ITPR1: variants seen among roughly 807,000 people sequenced by gnomAD.
ITPR1 encodes the protein inositol 1,4,5-trisphosphate-gated calcium channel ITPR1.
A neutral mutation model predicts 318.4 loss-of-function variants in ITPR1; 96 were observed. The ratio of observed to expected loss-of-function variants is 0.30; its 90% CI spans 0.26 to 0.36. ITPR1 has a LOEUF of 0.36. ITPR1 is among the 10% of genes least tolerant of loss of function. ITPR1 has a pLI of 1.00. For missense variants in ITPR1, 2,440 were observed against 3,460.2 expected (o/e 0.71, Z 7.40); for synonymous variants, 1,312 against 1,289.9 (o/e 1.02, Z -0.37).
At chr3:4,719,061 G>T (rs1000593097) in intron 40 of ITPR1, among the ~76,000 whole-genome samples, 3 of 152,200 alleles carry the variant, frequency 2.0e-5, no homozygotes, top group Non-Finnish European at 4.4e-5. Context: ...GTAATCAGTT[G>T]ATGTGTTTGC....
intron 34 of ITPR1, among the ~76,000 whole-genome samples, chr3:4,699,021 CA>C (rs1398568653): frequency 2.6e-5 from 4 of 152,004 alleles, no homozygotes; most frequent in African/African-American, 9.7e-5. Flanking sequence ...GTGTATTGGT[CA>C]GATTTTAATT....
intron 60 of ITPR1, among the ~76,000 whole-genome samples, chr3:4,820,478 C>G (rs966571479): frequency 6.6e-6 from 1 of 152,180 alleles, no homozygotes; most frequent in African/African-American, 2.4e-5. Context: ...TTAAAGGCGT[C>G]TTGTGAGCAG....
intron 4 of ITPR1, among the ~76,000 whole-genome samples, chr3:4,586,612 C>T (rs1027119523): frequency 2.0e-5 from 3 of 151,522 alleles, no homozygotes; most frequent in Non-Finnish European, 4.4e-5. Context: ...CTGGCTCAAG[C>T]CATCCTCCCA....
intron 54 of ITPR1, among the ~76,000 whole-genome samples, chr3:4,803,779 G>A (rs1272731762): frequency 6.6e-6 from 1 of 152,172 alleles, no homozygotes; most frequent in Non-Finnish European, 1.5e-5. Context: ...TCAGTTGGGG[G>A]AAAGACTCAA....
chr3:4,837,395 C>G (rs1166389178), intron 61 of ITPR1, among the ~76,000 whole-genome samples: 1 of 151,992 alleles, frequency 6.6e-6, no homozygotes, highest in Non-Finnish European at 1.5e-5. Flanking sequence ...TGGAAAAGCC[C>G]TTTTGGTTTC....
intron 44 of ITPR1, among the ~76,000 whole-genome samples, chr3:4,748,496 T>C (rs2044267443): frequency 6.6e-6 from 1 of 152,178 alleles, no homozygotes; most frequent in Admixed American, 6.5e-5. Flanking sequence ...TGCTGGTGTC[T>C]TTCTTGTGGG....
chr3:4,718,398 C>G (rs979289886), intron 40 of ITPR1, among the ~76,000 whole-genome samples: 2 of 152,228 alleles, frequency 1.3e-5, no homozygotes, highest in African/African-American at 4.8e-5. Flanking sequence ...ATGCTGTCTA[C>G]TCTAGTATCT....
chr3:4,824,795 C>T (rs1256271037), intron 60 of ITPR1, among the ~76,000 whole-genome samples: 1 of 152,146 alleles, frequency 6.6e-6, no homozygotes, highest in African/African-American at 2.4e-5. Context: ...AACCACTGCT[C>T]AGACAACCAC....
At chr3:4,741,724 G>A (rs1274123842) in intron 44 of ITPR1, among the ~76,000 whole-genome samples, 1 of 152,192 alleles carries the variant, frequency 6.6e-6, no homozygotes, top group East Asian at 1.9e-4. Flanking sequence ...ATTTGCCTCT[G>A]CTGGAAATGG....
intron 5 of ITPR1, among the ~76,000 whole-genome samples, chr3:4,635,069 G>A (rs892335772): frequency 5.3e-5 from 8 of 152,108 alleles, no homozygotes; most frequent in Admixed American, 2.6e-4. Flanking sequence ...ATGGCTACAC[G>A]GTTACTTCCT....
At chr3:4,829,207 T>C (rs189351215) in intron 60 of ITPR1, among the ~76,000 whole-genome samples, 66 of 152,336 alleles carry the variant, frequency 4.3e-4, no homozygotes, top group African/African-American at 1.5e-3. Flanking sequence ...AGCTGACTTA[T>C]ACACTCATTC....
intron 44 of ITPR1, chr3:4,749,761 C>T (rs1218449868): frequency 6.6e-6 from 1 of 152,618 alleles, no homozygotes; most frequent in East Asian, 1.9e-4. Flanking sequence ...TTTGTAGCAT[C>T]AACAGGTTAG....
At chr3:4,749,083 C>T (rs997813145) in intron 44 of ITPR1, 3 of 152,244 alleles carry the variant, frequency 2.0e-5, no homozygotes, top group Admixed American at 6.5e-5. Context: ...GTCCCAACAA[C>T]AGCTCCCTGT....
intron 35 of ITPR1, among the ~76,000 whole-genome samples, chr3:4,700,882 G>A (rs984000677): frequency 6.6e-6 from 1 of 152,178 alleles, no homozygotes; most frequent in Non-Finnish European, 1.5e-5. Context: ...GAGAACTTGT[G>A]CAGGGAAACT....
At chr3:4,633,371 GT>G (rs1367415033) in intron 5 of ITPR1, among the ~76,000 whole-genome samples, 1 of 152,184 alleles carries the variant, frequency 6.6e-6, no homozygotes, top group Non-Finnish European at 1.5e-5. Context: ...CCAATACGAT[GT>G]TGTATTTTGG....
At chr3:4,830,780 A>T (rs2050423978) in intron 60 of ITPR1, among the ~76,000 whole-genome samples, 1 of 152,210 alleles carries the variant, frequency 6.6e-6, no homozygotes, top group Admixed American at 6.5e-5. Context: ...GGGATTCTCA[A>T]GGGCAGAGAA....
Position 4,662,066 on chromosome 3 carries a change from C to T in ITPR1, c.1252-16C>T. 1 of 1,609,748 alleles carries T rather than the reference C, an allele frequency of 6.2e-7. No homozygotes were observed. On this transcript the variant is annotated splice_polypyrimidine_tract_variant and intron_variant, in intron 14 of 61. Coordinates refer to ENST00000649015, the MANE Select transcript of ITPR1 (RefSeq NM_001378452.1). ...CATCCAAGAGATTATCTCACAAGGA[C>T]CACCTTGAATTTCAGATTGGCACCT...
intron 40 of ITPR1, 69 bp downstream of exon 40, chr3:4,717,468 C>A: frequency 8.1e-7 from 1 of 1,228,514 alleles, no homozygotes; most frequent in Non-Finnish European, 1.2e-6. Flanking sequence ...TCCCAGTTAG[C>A]CCTGTGATCC....
intron 2 of ITPR1, among the ~76,000 whole-genome samples, chr3:4,515,901 G>A (rs977275532): frequency 2.6e-5 from 4 of 152,174 alleles, no homozygotes; most frequent in Middle Eastern, 3.2e-3. Flanking sequence ...GGTGACATGC[G>A]TACAGTTGTG....
Sources: allele counts gnomAD v4.1 joint callset (sites outside exome capture counted in the v4.1 genomes callset), GRCh38; gene constraint gnomAD v4.1.1; transcripts MANE v1.5; gene names NCBI Gene and HGNC (gene_info 2026-07-23, HGNC 2026-07-21).